The following GSTCD variants were observed in gnomAD, a reference collection of about 807,000 sequenced individuals.
GSTCD encodes glutathione S-transferase C-terminal domain containing.
A neutral mutation model predicts 68.3 loss-of-function variants in GSTCD; 44 were observed. That is an observed-to-expected ratio of 0.64 (90% CI 0.51 to 0.83). The LOEUF is 0.83. GSTCD is among the 40% of genes least tolerant of loss of function. The pLI, the probability that GSTCD is intolerant of heterozygous loss-of-function variation, is 0.00. For missense variants in GSTCD, 739 were observed against 735.9 expected, an observed-to-expected ratio of 1.00 and a Z score of -0.05; for synonymous variants, 273 against 255.2, an observed-to-expected ratio of 1.07 and a Z score of -0.67.
intron 5 of GSTCD, among the ~76,000 whole-genome samples, chr4:105,731,329 C>A (rs1733232842): frequency 6.6e-6 from 1 of 152,122 alleles, no homozygotes; most frequent in South Asian, 2.1e-4. Flanking sequence ...GGCAGTATGG[C>A]CATTTTCACA....
At chr4:105,794,858 TC>T (rs1735818094) in intron 5 of GSTCD, among the ~76,000 whole-genome samples, 1 of 143,448 alleles carries the variant, frequency 7.0e-6, no homozygotes, top group African/African-American at 2.6e-5. Flanking sequence ...TATCTATCTA[TC>T]TATCTATCTA....
At chr4:105,820,647 A>G (rs987481600) in intron 5 of GSTCD, 1 of 151,872 alleles carries the variant, frequency 6.6e-6, no homozygotes, top group Non-Finnish European at 1.5e-5. Context: ...GCTTTTCCAT[A>G]AAGCATCTGA....
intron 5 of GSTCD, among the ~76,000 whole-genome samples, chr4:105,769,227 ACG>A (rs1249963113): frequency 6.9e-3 from 426 of 62,150 alleles, no homozygotes; most frequent in Middle Eastern, 0.052. Context: ...TATACTATAC[ACG>A]CGCGCACACA....
In GSTCD at chr4:105,846,364, GAATT is replaced by G. The variant is rs1724546675; in HGVS notation, c.*791_*794del. On this transcript the variant is annotated 3_prime_UTR_variant, in exon 12 of 12. Transcript: ENST00000515279. ...CCAGACTCAAAATAAATCAATGAAT[GAATT>G]AATAAACAAATAAATAAATAAATAA... The G allele has an allele frequency of 6.6e-6, 1 of 150,572 alleles. No individual in the cohort carries two copies. The highest frequency in any genetic ancestry group is 6.6e-5 in the Admixed American group (1 of 15,206). 9.3% of individuals were successfully genotyped at this position (150,572 alleles called of 1,614,324 possible).
intron 5 of GSTCD, among the ~76,000 whole-genome samples, chr4:105,742,012 G>A (rs976252573): frequency 1.2e-4 from 18 of 152,136 alleles, no homozygotes; most frequent in Admixed American, 1.1e-3. Context: ...TGTACTGTCA[G>A]GAGAAATCTC....
chr4:105,732,122 A>G (rs1437716298), intron 5 of GSTCD, among the ~76,000 whole-genome samples: 3 of 152,164 alleles, frequency 2.0e-5, no homozygotes, highest in African/African-American at 7.2e-5. Context: ...TTTTTGCATC[A>G]ATGTTCATCA....
chr4:105,769,959 C>G (rs959918040), intron 5 of GSTCD, among the ~76,000 whole-genome samples: 1 of 151,982 alleles, frequency 6.6e-6, no homozygotes, highest in South Asian at 2.1e-4. Flanking sequence ...AATATTGTTA[C>G]GTTTTGCAGG....
intron 5 of GSTCD, among the ~76,000 whole-genome samples, chr4:105,780,252 A>T (rs1438899591): frequency 3.9e-5 from 6 of 152,182 alleles, no homozygotes; most frequent in Admixed American, 3.3e-4. Context: ...TGTGAAATTG[A>T]TGGGCACTAT....
intron 3 of GSTCD, among the ~76,000 whole-genome samples, chr4:105,722,950 C>G (rs1010513182): frequency 2.0e-5 from 3 of 151,798 alleles, no homozygotes; most frequent in African/African-American, 7.2e-5. Context: ...GGTTCAGTAC[C>G]TTCTGAGCTA....
At chr4:105,773,315 A>C (rs576013281) in intron 5 of GSTCD, among the ~76,000 whole-genome samples, 2 of 151,962 alleles carry the variant, frequency 1.3e-5, no homozygotes, top group South Asian at 2.1e-4. Context: ...CAGCTCCTGG[A>C]TTCATTGATT....
intron 3 of GSTCD, among the ~76,000 whole-genome samples, chr4:105,725,994 A>G (rs752990033): frequency 2.0e-5 from 3 of 152,176 alleles, no homozygotes; most frequent in Non-Finnish European, 2.9e-5. Context: ...TAAAAGTTAA[A>G]TATACAGTTA....
At chr4:105,720,061 T>C (rs189635412) in intron 3 of GSTCD, among the ~76,000 whole-genome samples, 4 of 152,368 alleles carry the variant, frequency 2.6e-5, no homozygotes, top group Admixed American at 2.6e-4. Context: ...CCTGTGTGCT[T>C]TTCTCTGTTC....
Position 105,717,811 on chromosome 4 carries a change from C to T in GSTCD, c.198C>T (p.Asp66=). 1 of 1,613,906 alleles carries T rather than the reference C, an allele frequency of 6.2e-7. No homozygotes were observed. The highest frequency in any genetic ancestry group is 2.2e-5 in the East Asian group (1 of 44,868). ...GAGATAGTTCACTACTAAGAGATGA[C>T]CTGATCCAGGATGTTGAAATACAGA... ...VSRDSSLLRD[D]LIQDVEIQII... is the part of the protein sequence containing the mutation. The change falls in exon 2 of 12, where the codon GAC becomes GAT. Residue 66 remains aspartate, a synonymous_variant. Coordinates refer to ENST00000515279, the MANE Select transcript of GSTCD (RefSeq NM_001370181.1).
At chr4:105,796,900 A>T (rs556446120) in intron 5 of GSTCD, among the ~76,000 whole-genome samples, 1 of 152,194 alleles carries the variant, frequency 6.6e-6, no homozygotes, top group South Asian at 2.1e-4. Flanking sequence ...AGTCACTTCT[A>T]TGTATAGAGG....
At chr4:105,723,443 C>G (rs1361157254) in intron 3 of GSTCD, among the ~76,000 whole-genome samples, 12 of 151,672 alleles carry the variant, frequency 7.9e-5, no homozygotes. Context: ...TGTCGTGATC[C>G]CCTAAACAAT....
chr4:105,742,877 G>C (rs1275440779), intron 5 of GSTCD, among the ~76,000 whole-genome samples: 1 of 151,432 alleles, frequency 6.6e-6, no homozygotes, highest in Non-Finnish European at 1.5e-5. Flanking sequence ...ATCATACCTG[G>C]CTAATTTTTT....
chr4:105,844,524 G>T (rs1039518469), intron 11 of GSTCD, among the ~76,000 whole-genome samples: 6 of 151,928 alleles, frequency 3.9e-5, no homozygotes, highest in Non-Finnish European at 7.4e-5. Context: ...TTCTATTTTG[G>T]TGATCTGTCT....
At chr4:105,775,903 G>A (rs771832009) in intron 5 of GSTCD, among the ~76,000 whole-genome samples, 8 of 152,202 alleles carry the variant, frequency 5.3e-5, no homozygotes, top group Non-Finnish European at 1.0e-4. Flanking sequence ...TCTCTTCAGA[G>A]CCAACAGGCA....
chr4:105,746,021 C>G (rs912517573), intron 5 of GSTCD, among the ~76,000 whole-genome samples: 2 of 152,082 alleles, frequency 1.3e-5, no homozygotes, highest in African/African-American at 4.8e-5. Flanking sequence ...TCATCCCTTG[C>G]CACCTACTTT....
Sources: allele counts gnomAD v4.1 joint callset (sites outside exome capture counted in the v4.1 genomes callset), GRCh38; gene constraint gnomAD v4.1.1; transcripts MANE v1.5; gene names NCBI Gene and HGNC (gene_info 2026-07-23, HGNC 2026-07-21).